SLCO1B1: variants seen among roughly 807,000 people sequenced by gnomAD.
The protein encoded by SLCO1B1 is solute carrier organic anion transporter family member 1B1, also known as OATP-2.
A neutral mutation model predicts 70.1 loss-of-function variants in SLCO1B1; 81 were observed. The observed-to-expected ratio is 1.16, with a 90% CI of 0.97 to 1.39. The LOEUF (loss-of-function observed/expected upper bound fraction) is 1.39, where lower values mean the gene tolerates loss of function less well. Ranked by LOEUF, SLCO1B1 falls within the 40% of genes most tolerant of loss-of-function variation. The pLI is 0.00. For synonymous variants in SLCO1B1, 283 were observed against 271.5 expected (o/e 1.04, Z -0.42); for missense variants, 895 against 799.6 (o/e 1.12, Z -1.44).
intron 14 of SLCO1B1, among the ~76,000 whole-genome samples, chr12:21,237,801 G>C (rs1449756416): frequency 6.6e-6 from 1 of 150,926 alleles, no homozygotes; most frequent in African/African-American, 2.4e-5. Context: ...TGCAACCCCC[G>C]CCTCCCGAGT....
chr12:21,136,619 C>T lies in SLCO1B1; in HGVS notation c.-61-4895C>T, dbSNP rs190078950. ...CTGATAACCTTTCTTCCAGTTGATC[C>T]TATCAGCTACTGAGGCTTCTGCATT... On this transcript the variant is annotated intron_variant, in intron 1 of 14. Transcript: ENST00000256958. Among the ~76,000 whole-genome samples, 503 of 152,246 alleles carry T rather than the reference C, an allele frequency of 3.3e-3. 8 individuals are homozygous for T. Among genetic ancestry groups the T allele is most frequent in the Non-Finnish European group, 7.9e-4 (54 of 68,014 alleles).
chr12:21,187,283 C>T (rs1940973416), intron 7 of SLCO1B1, among the ~76,000 whole-genome samples: 1 of 152,100 alleles, frequency 6.6e-6, no homozygotes, highest in Admixed American at 6.6e-5. Context: ...TAAAAATCAA[C>T]TGCTAGTCTT....
rs918071145 is a variant in SLCO1B1, at chr12:21,228,595, T to TA, written c.1865+3762dup. Among the ~76,000 whole-genome samples the TA allele has an allele frequency of 1.1e-4, 17 of 152,128 alleles. 1 individual carries two copies. The highest frequency in any genetic ancestry group is 3.9e-4 in the African/African-American group (16 of 41,508). ...GGGCCCAATATAACCACAAATATCC[T>TA]AAAAAATAAAAAGAGGAGGTCAGAA... is the stretch of plus-strand genomic sequence containing the variant. On this transcript the variant is annotated intron_variant, in intron 14 of 14. Coordinates refer to ENST00000256958, the MANE Select transcript of SLCO1B1 (RefSeq NM_006446.5).
At chr12:21,136,782 A>T (rs112568182) in intron 1 of SLCO1B1, among the ~76,000 whole-genome samples, 45 of 151,904 alleles carry the variant, frequency 3.0e-4, no homozygotes, top group African/African-American at 1.1e-3. Flanking sequence ...TTGAATTTCC[A>T]CCTGTAGCTC....
intron 13 of SLCO1B1, 34 bp downstream of exon 13, chr12:21,222,398 AT>A (rs377482375): frequency 0.051 from 3,284 of 64,974 alleles, 349 homozygotes; most frequent in Non-Finnish European, 0.059. Context: ...AAAAAAAAAA[AT>A]ATATATATAT....
intron 8 of SLCO1B1, among the ~76,000 whole-genome samples, chr12:21,200,131 T>C (rs953966584): frequency 1.3e-5 from 2 of 152,102 alleles, no homozygotes; most frequent in African/African-American, 4.8e-5. Flanking sequence ...AATTAGCATA[T>C]TGTCTGGTAC....
At position 21,218,891 on chromosome 12, in the gene SLCO1B1, AT is replaced by A. The variant is rs1306290154; in HGVS notation, c.1682+1589del. Among the ~76,000 whole-genome samples, 13 of 152,358 alleles carry A rather than the reference AT, an allele frequency of 8.5e-5. No individual in the cohort carries two copies. In the South Asian group the frequency reaches 2.5e-3, roughly 29 times the overall value. ...AGCATTTTGTGAATATGACTACAGA[AT>A]AAAAATATAAATTTCAGTTTGTTAA... is the stretch of plus-strand genomic sequence containing the variant. On this transcript the variant is annotated intron_variant, in intron 12 of 14. Transcript: ENST00000256958.
intron 10 of SLCO1B1, among the ~76,000 whole-genome samples, chr12:21,203,778 C>G (rs572986226): frequency 3.3e-5 from 5 of 151,940 alleles, no homozygotes; most frequent in Non-Finnish European, 7.4e-5. Context: ...CAATCCAACC[C>G]TTGTATTATA....
Position 21,239,390 on chromosome 12 carries a change from GC to G in SLCO1B1, c.*202del. ...TGAGAGTACTCATTGTTACATTATA[GC>G]TACATATTTGTGGTTAAGGTTAGAC... On this transcript the variant is annotated 3_prime_UTR_variant, in exon 15 of 15. Coordinates refer to ENST00000256958, the MANE Select transcript of SLCO1B1 (RefSeq NM_006446.5). The G allele has an allele frequency of 1.9e-6, 1 of 536,512 alleles. No individual in the cohort carries two copies. Among genetic ancestry groups the G allele is most frequent in the Non-Finnish European group, 3.4e-6 (1 of 296,998 alleles). 33.2% of individuals were successfully genotyped at this position (536,512 alleles called of 1,614,324 possible). A position where few individuals can be genotyped will look rare whatever the true frequency, so the allele number is the denominator to read the frequency against.
intron 11 of SLCO1B1, among the ~76,000 whole-genome samples, chr12:21,211,056 T>G (rs1941277767): frequency 1.3e-5 from 2 of 152,218 alleles, no homozygotes; most frequent in Non-Finnish European, 2.9e-5. Flanking sequence ...ATTTATTTCC[T>G]TCTCCTGCCT....
intron 12 of SLCO1B1, among the ~76,000 whole-genome samples, chr12:21,219,772 T>C (rs1279303801): frequency 6.6e-6 from 1 of 152,206 alleles, no homozygotes; most frequent in Non-Finnish European, 1.5e-5. Context: ...TTTATTTATT[T>C]ATTTTTGAGA....
At chr12:21,135,263 C>G (rs1312922696) in intron 1 of SLCO1B1, among the ~76,000 whole-genome samples, 1 of 152,186 alleles carries the variant, frequency 6.6e-6, no homozygotes, top group Non-Finnish European at 1.5e-5. Context: ...ACTATGTGGT[C>G]AATTTCAGAG....
chr12:21,139,521 C>T (rs539003032), intron 1 of SLCO1B1, among the ~76,000 whole-genome samples: 1 of 152,138 alleles, frequency 6.6e-6, no homozygotes, highest in South Asian at 2.1e-4. Flanking sequence ...TGCACTATCC[C>T]TTAAATATGT....
chr12:21,209,764 G>C (rs533165091), intron 11 of SLCO1B1, among the ~76,000 whole-genome samples: 7 of 151,292 alleles, frequency 4.6e-5, no homozygotes, highest in African/African-American at 1.7e-4. Flanking sequence ...ACTGGTGTGA[G>C]ATGGTATCTC....
intron 11 of SLCO1B1, among the ~76,000 whole-genome samples, chr12:21,209,534 T>C (rs1464833433): frequency 6.6e-6 from 1 of 152,222 alleles, no homozygotes; most frequent in Non-Finnish European, 1.5e-5. Flanking sequence ...TGCATGTGTC[T>C]TTATAGCAGC....
chr12:21,234,724 T>C (rs1362707843), intron 14 of SLCO1B1, among the ~76,000 whole-genome samples: 1 of 152,094 alleles, frequency 6.6e-6, no homozygotes, highest in Non-Finnish European at 1.5e-5. Context: ...ATCCTAGAGG[T>C]TTTAAAATAC....
intron 2 of SLCO1B1, among the ~76,000 whole-genome samples, chr12:21,169,446 A>G (rs575350702): frequency 6.6e-6 from 1 of 152,144 alleles, no homozygotes; most frequent in East Asian, 1.9e-4. Context: ...CTCTAATTTT[A>G]GAAGTTCTGT....
intron 2 of SLCO1B1, among the ~76,000 whole-genome samples, chr12:21,149,864 C>T (rs889457358): frequency 1.3e-4 from 20 of 152,068 alleles, no homozygotes; most frequent in Non-Finnish European, 2.1e-4. Flanking sequence ...CCTTCACTCC[C>T]CTGGAAAAGG....
chr12:21,192,204 G>A (rs1392288486), intron 7 of SLCO1B1, among the ~76,000 whole-genome samples: 1 of 151,718 alleles, frequency 6.6e-6, no homozygotes. Flanking sequence ...ATTTTCTTTA[G>A]CTATTTAGTA....
Sources: gnomAD v4.1 joint callset for allele counts (sites outside exome capture counted in the v4.1 genomes callset) on GRCh38, gnomAD v4.1.1 for gene constraint, MANE v1.5 for transcripts, NCBI Gene and HGNC (gene_info 2026-07-23, HGNC 2026-07-21) for gene names.